The following ADAM18 variants were observed in gnomAD, a reference collection of about 807,000 sequenced individuals.
The protein encoded by ADAM18 is disintegrin and metalloproteinase domain-containing protein 18.
In ADAM18, 117 loss-of-function variants were observed where a neutral mutation model predicts 94.4. The observed-to-expected ratio is 1.24, with a 90% confidence interval of 1.07 to 1.45. The LOEUF is 1.45. ADAM18 is among the 40% of genes most tolerant of loss of function. The pLI, the probability that ADAM18 is intolerant of heterozygous loss-of-function variation, is 0.00. For synonymous variants in ADAM18, 327 were observed against 291.6 expected (o/e 1.12, Z -1.24); for missense variants, 936 against 880.0 (o/e 1.06, Z -0.81).
At chr8:39,673,766 A>G (rs930780996) in intron 14 of ADAM18, among the ~76,000 whole-genome samples, 4 of 152,228 alleles carry the variant, frequency 2.6e-5, no homozygotes, top group Non-Finnish European at 5.9e-5. Context: ...ATTTAGTGCT[A>G]TAAATTTCCC....
At chr8:39,621,667 G>A (rs1281938574) in intron 6 of ADAM18, among the ~76,000 whole-genome samples, 1 of 151,928 alleles carries the variant, frequency 6.6e-6, no homozygotes, top group East Asian at 1.9e-4. Context: ...TAATGACATG[G>A]AATCAACCTA....
At chr8:39,712,794 A>G (rs941152344) in intron 18 of ADAM18, among the ~76,000 whole-genome samples, 1 of 152,240 alleles carries the variant, frequency 6.6e-6, no homozygotes, top group South Asian at 2.1e-4. Context: ...AAAAGAGGAT[A>G]CAAAGAAATG....
At chr8:39,647,050 G>T (rs533163258) in intron 11 of ADAM18, among the ~76,000 whole-genome samples, 1 of 152,094 alleles carries the variant, frequency 6.6e-6, no homozygotes, top group South Asian at 2.1e-4. Flanking sequence ...ACTGAGAAAA[G>T]AAATAAGACA....
At chr8:39,694,310 A>C (rs1335116777) in intron 17 of ADAM18, among the ~76,000 whole-genome samples, 10 of 151,328 alleles carry the variant, frequency 6.6e-5, no homozygotes, top group Admixed American at 6.6e-4. Context: ...AAATTTTACC[A>C]AAGACTTTTT....
At chr8:39,637,786 G>C (rs962513394) in intron 9 of ADAM18, 83 bp downstream of exon 9, 61 of 1,311,524 alleles carry the variant, frequency 4.7e-5, no homozygotes, top group Non-Finnish European at 5.9e-5. Context: ...GCGTTCTTCA[G>C]TTTTTTGTAA....
At chr8:39,620,238 T>C (rs1162681038) in intron 6 of ADAM18, among the ~76,000 whole-genome samples, 1 of 151,080 alleles carries the variant, frequency 6.6e-6, no homozygotes, top group Non-Finnish European at 1.5e-5. Flanking sequence ...ATTAAAGATT[T>C]AAGCTTAAAA....
At chr8:39,722,023 TTATA>T (rs753703811) in intron 18 of ADAM18, among the ~76,000 whole-genome samples, 1 of 150,298 alleles carries the variant, frequency 6.7e-6, no homozygotes, top group Non-Finnish European at 1.5e-5. Context: ...AAAGAACACA[TTATA>T]TATATATGCA....
intron 12 of ADAM18, among the ~76,000 whole-genome samples, chr8:39,654,285 G>A (rs1160749422): frequency 6.6e-6 from 1 of 150,832 alleles, no homozygotes; most frequent in African/African-American, 2.5e-5. Flanking sequence ...AGCCTCCCGA[G>A]TAGCTGGATC....
At chr8:39,585,189 A>G (rs774717830) in intron 1 of ADAM18, 87 bp from the exon 2 acceptor site, 8 of 1,010,010 alleles carry the variant, frequency 7.9e-6, no homozygotes, top group African/African-American at 4.9e-5. Flanking sequence ...AGGCGCCACC[A>G]TGCAGTCCGG....
intron 2 of ADAM18, among the ~76,000 whole-genome samples, chr8:39,592,567 C>A: frequency 6.6e-6 from 1 of 152,088 alleles, no homozygotes; most frequent in Non-Finnish European, 1.5e-5. Flanking sequence ...AGGCCATTAT[C>A]CTATGTGGAA....
At chr8:39,664,855 G>A (rs1344236062) in intron 13 of ADAM18, among the ~76,000 whole-genome samples, 2 of 152,138 alleles carry the variant, frequency 1.3e-5, no homozygotes, top group Non-Finnish European at 2.9e-5. Flanking sequence ...AAGAAAACAA[G>A]TTCCTTAGTA....
intron 15 of ADAM18, among the ~76,000 whole-genome samples, chr8:39,679,800 G>T (rs912582933): frequency 1.1e-4 from 17 of 152,250 alleles, no homozygotes; most frequent in African/African-American, 4.1e-4. Flanking sequence ...GAACAAAATT[G>T]GGCTCTATAA....
At chr8:39,680,300 C>A in intron 16 of ADAM18, 74 bp downstream of exon 16, 1 of 1,314,470 alleles carries the variant, frequency 7.6e-7, no homozygotes, top group Non-Finnish European at 1.0e-6. Context: ...TCCATGATGA[C>A]TATCACAATT....
chr8:39,596,038 G>C (rs565958420), intron 2 of ADAM18, among the ~76,000 whole-genome samples: 1 of 152,238 alleles, frequency 6.6e-6, no homozygotes, highest in South Asian at 2.1e-4. Context: ...AAAATAAACT[G>C]TGTGTGTGGT....
chr8:39,601,443 T>C (rs2129458305), intron 2 of ADAM18, among the ~76,000 whole-genome samples: 1 of 152,382 alleles, frequency 6.6e-6, no homozygotes, highest in East Asian at 1.9e-4. Flanking sequence ...TCTTGAGGAA[T>C]TGACACTTTT....
At chr8:39,662,218 G>A (rs558256776) in intron 12 of ADAM18, among the ~76,000 whole-genome samples, 17 of 151,924 alleles carry the variant, frequency 1.1e-4, no homozygotes, top group Admixed American at 3.3e-4. Flanking sequence ...CAGGGAGAGC[G>A]TCTTCATTAA....
chr8:39,624,401 A>AT (rs1176077318), intron 6 of ADAM18, among the ~76,000 whole-genome samples: 1 of 152,190 alleles, frequency 6.6e-6, no homozygotes, highest in African/African-American at 2.4e-5. Context: ...CATTCATTGA[A>AT]TAGAGGGTCC....
intron 15 of ADAM18, among the ~76,000 whole-genome samples, chr8:39,679,604 T>C (rs1414280182): frequency 6.6e-6 from 1 of 152,162 alleles, no homozygotes; most frequent in Non-Finnish European, 1.5e-5. Flanking sequence ...AAATGTACTT[T>C]CTAGGTATCA....
chr8:39,671,357 G>A (rs192663209), intron 14 of ADAM18, among the ~76,000 whole-genome samples: 263 of 152,264 alleles, frequency 1.7e-3, no homozygotes, highest in African/African-American at 6.1e-3. Flanking sequence ...GGCATTAAAT[G>A]GCTATTGCCA....
Sources: allele counts gnomAD v4.1 joint callset (sites outside exome capture counted in the v4.1 genomes callset), GRCh38; gene constraint gnomAD v4.1.1; transcripts MANE v1.5; gene names NCBI Gene and HGNC (gene_info 2026-07-23, HGNC 2026-07-21).